Variants in ESRRG observed in about 807,000 individuals in gnomAD.
ESRRG encodes the protein estrogen-related receptor gamma.
ESRRG carries 13 observed loss-of-function variants against 44.0 expected under a neutral mutation model. The observed-to-expected ratio is 0.30, with a 90% CI of 0.19 to 0.47. The LOEUF is 0.47. Ranked by LOEUF, ESRRG falls within the 20% of genes least tolerant of loss-of-function variation. The pLI is 1.00. For synonymous variants in ESRRG, 215 were observed against 214.6 expected, an observed-to-expected ratio of 1.00 and a Z score of -0.02; for missense variants, 395 against 580.6, an observed-to-expected ratio of 0.68 and a Z score of 3.29.
At chr1:216,662,164 T>C (rs2072631126) in intron 2 of ESRRG, among the ~76,000 whole-genome samples, 1 of 152,122 alleles carries the variant, frequency 6.6e-6, no homozygotes, top group African/African-American at 2.4e-5. Flanking sequence ...AGGGAAGGAA[T>C]GCAGGAGAAA....
intron 1 of ESRRG, among the ~76,000 whole-genome samples, chr1:217,042,704 G>C (rs545706706): frequency 6.6e-6 from 1 of 151,636 alleles, no homozygotes; most frequent in African/African-American, 2.4e-5. Flanking sequence ...TAAACAGTCC[G>C]AGCTAAAATT....
rs866233892 is a variant in ESRRG at position 216,657,088 on chromosome 1, T to C, written c.473-5999A>G. Among the ~76,000 whole-genome samples, 5 of 152,356 alleles carry C rather than the reference T, an allele frequency of 3.3e-5. No individual in the cohort carries two copies. The Middle Eastern group carries it at 0.014, about 415-fold the overall frequency. ...ATAGTGGCAAAGGTTTTTCCATTTT[T>C]ACAGTGATCTAACTTTCCTTTTTTT... is the stretch of plus-strand genomic sequence containing the variant. On this transcript the variant is annotated intron_variant, in intron 2 of 6. Coordinates refer to ENST00000408911, the MANE Select transcript of ESRRG (RefSeq NM_001438.4).
At chr1:217,001,254 A>G (rs946737981) in intron 1 of ESRRG, among the ~76,000 whole-genome samples, 3 of 152,192 alleles carry the variant, frequency 2.0e-5, no homozygotes, top group African/African-American at 7.2e-5. Context: ...AGGAATGGAC[A>G]CAGTGCTTAT....
At chr1:216,519,122 AT>A (rs1188466601) in intron 6 of ESRRG, 29 bp downstream of exon 6, 1 of 1,597,002 alleles carries the variant, frequency 6.3e-7, no homozygotes, top group East Asian at 2.2e-5. Flanking sequence ...ATTAAAAAAA[AT>A]GTAACAATGA....
chr1:216,655,745 T>C (rs2070329978), intron 2 of ESRRG, among the ~76,000 whole-genome samples: 1 of 152,312 alleles, frequency 6.6e-6, no homozygotes, highest in African/African-American at 2.4e-5. Context: ...AACATCATTC[T>C]AAATAACTTA....
At chr1:216,779,146 T>TTA (rs200694503) in intron 2 of ESRRG, among the ~76,000 whole-genome samples, 2 of 108,532 alleles carry the variant, frequency 1.8e-5, no homozygotes, top group Admixed American at 1.2e-4. Flanking sequence ...AAATATATAT[T>TTA]TATATATATA....
At chr1:216,734,293 G>T (rs2089456546) in intron 2 of ESRRG, among the ~76,000 whole-genome samples, 1 of 152,096 alleles carries the variant, frequency 6.6e-6, no homozygotes, top group African/African-American at 2.4e-5. Context: ...TCATTGATAT[G>T]GTTTGGCTAT....
intron 3 of ESRRG, among the ~76,000 whole-genome samples, chr1:216,624,683 A>T (rs957336468): frequency 6.6e-6 from 1 of 152,286 alleles, no homozygotes; most frequent in Non-Finnish European, 1.5e-5. Flanking sequence ...TCTCAGGTTA[A>T]TATCTCCATC....
chr1:216,845,703 T>A (rs2095734628), intron 2 of ESRRG, among the ~76,000 whole-genome samples: 1 of 152,154 alleles, frequency 6.6e-6, no homozygotes, highest in Admixed American at 6.6e-5. Flanking sequence ...ACTCTGGAAC[T>A]TTCTAACTCA....
At chr1:216,523,916 A>G (rs565619198) in intron 5 of ESRRG, among the ~76,000 whole-genome samples, 5 of 151,848 alleles carry the variant, frequency 3.3e-5, no homozygotes, top group African/African-American at 9.6e-5. Context: ...TGCCATAATG[A>G]CTCACTGAGA....
chr1:216,886,886 G>A (rs199830907), intron 2 of ESRRG, among the ~76,000 whole-genome samples: 3 of 151,894 alleles, frequency 2.0e-5, no homozygotes, highest in Non-Finnish European at 2.9e-5. Context: ...ACCATGCCTG[G>A]CTATTTTGTT....
At chr1:216,797,458 G>A (rs1437906946) in intron 2 of ESRRG, among the ~76,000 whole-genome samples, 2 of 151,922 alleles carry the variant, frequency 1.3e-5, no homozygotes, top group African/African-American at 2.4e-5. Context: ...AGTTAGTTCC[G>A]ATAGCTACTT....
At chr1:216,804,972 T>A (rs1292783797) in intron 2 of ESRRG, 1 of 152,208 alleles carries the variant, frequency 6.6e-6, no homozygotes, top group African/African-American at 2.4e-5. Context: ...CAGCTGTGTA[T>A]CTTATGAAAA....
chr1:216,701,187 G>C (rs1176369657), intron 1 of ESRRG, among the ~76,000 whole-genome samples: 1 of 152,042 alleles, frequency 6.6e-6, no homozygotes, highest in Non-Finnish European at 1.5e-5. Flanking sequence ...AGCATTTTTT[G>C]CATGCTATTT....
intron 2 of ESRRG, among the ~76,000 whole-genome samples, chr1:216,831,617 C>A (rs140782353): frequency 6.6e-6 from 1 of 152,102 alleles, no homozygotes; most frequent in African/African-American, 2.4e-5. Flanking sequence ...AATAATGCGA[C>A]ATTACTTAAG....
chr1:216,863,762 T>C (rs2096095027), intron 2 of ESRRG: 1 of 152,184 alleles, frequency 6.6e-6, no homozygotes, highest in Non-Finnish European at 1.5e-5. Flanking sequence ...CACTTTCATC[T>C]GGCTAATTCT....
intron 2 of ESRRG, among the ~76,000 whole-genome samples, chr1:216,841,545 G>C (rs969984140): frequency 6.6e-6 from 1 of 151,186 alleles, no homozygotes; most frequent in South Asian, 2.1e-4. Flanking sequence ...CAAGGTCTAG[G>C]AGCATTTTGC....
chr1:217,060,414 A>G (rs1186094313), intron 1 of ESRRG, among the ~76,000 whole-genome samples: 1 of 152,122 alleles, frequency 6.6e-6, no homozygotes, highest in Non-Finnish European at 1.5e-5. Context: ...CTCTCTTAAA[A>G]GATTTCATGA....
chr1:216,991,361 C>A (rs1313390211), intron 1 of ESRRG, among the ~76,000 whole-genome samples: 3 of 152,090 alleles, frequency 2.0e-5, no homozygotes, highest in Non-Finnish European at 4.4e-5. Flanking sequence ...TCTAGGTAAT[C>A]CCAAGCGTTT....
Sources: gnomAD v4.1 joint callset for allele counts (sites outside exome capture counted in the v4.1 genomes callset) on GRCh38, gnomAD v4.1.1 for gene constraint, MANE v1.5 for transcripts, NCBI Gene and HGNC (gene_info 2026-07-23, HGNC 2026-07-21) for gene names.